Variants in SGCZ observed in about 807,000 individuals in gnomAD.
The protein encoded by SGCZ is zeta-sarcoglycan.
Under a neutral mutation model 41.3 loss-of-function variants are expected in SGCZ, and 40 were observed. The observed-to-expected ratio is 0.97, with a 90% CI of 0.75 to 1.26. The LOEUF is 1.26. SGCZ is among the 50% of genes most tolerant of loss of function. The pLI is 0.00. For synonymous variants in SGCZ, 206 were observed against 137.5 expected (o/e 1.50, Z -3.49); for missense variants, 552 against 369.8 (o/e 1.49, Z -4.04).
chr8:15,131,659 G>A (rs1807905500), intron 1 of SGCZ, among the ~76,000 whole-genome samples: 1 of 152,186 alleles, frequency 6.6e-6, no homozygotes, highest in East Asian at 1.9e-4. Context: ...TGTTAGCGCG[G>A]CATCTTCTCA....
intron 1 of SGCZ, among the ~76,000 whole-genome samples, chr8:14,597,914 C>A (rs1199822599): frequency 6.6e-6 from 1 of 152,132 alleles, no homozygotes; most frequent in East Asian, 1.9e-4. Context: ...AAACCTATTC[C>A]TTTTGCTACA....
intron 1 of SGCZ, among the ~76,000 whole-genome samples, chr8:15,100,227 T>C (rs1362767806): frequency 2.6e-5 from 4 of 152,134 alleles, no homozygotes; most frequent in Non-Finnish European, 5.9e-5. Context: ...CAAAATTTCC[T>C]GGAACTGTTA....
In SGCZ at chr8:14,930,529, A is replaced by G. The variant is rs113898944; in HGVS notation, c.39+307056T>C. On this transcript the variant is annotated intron_variant, in intron 1 of 7. Coordinates refer to ENST00000382080, the MANE Select transcript of SGCZ (RefSeq NM_139167.4). ...ATAAATCATTCTACTATAAAGACACATGCCCATGTATGTTTCTTGCAGCAC... is the reference window on the plus strand; with the variant it reads ...ATAAATCATTCTACTATAAAGACACGTGCCCATGTATGTTTCTTGCAGCAC... Among the ~76,000 whole-genome samples the G allele has an allele frequency of 7.4e-3, 1,129 of 152,126 alleles. 6 individuals are homozygous for G. Among genetic ancestry groups the G allele is most frequent in the Non-Finnish European group, 0.012 (796 of 68,036 alleles).
intron 2 of SGCZ, among the ~76,000 whole-genome samples, chr8:14,483,980 C>T (rs530956605): frequency 6.6e-6 from 1 of 152,116 alleles, no homozygotes; most frequent in African/African-American, 2.4e-5. Flanking sequence ...GGCATCCAGC[C>T]CATGAAAATC....
chr8:14,994,244 C>G (rs1386255140), intron 1 of SGCZ, among the ~76,000 whole-genome samples: 1 of 152,168 alleles, frequency 6.6e-6, no homozygotes. Flanking sequence ...TCATATGTAT[C>G]TCAATTACAG....
chr8:15,176,640 G>A (rs1160222400), intron 1 of SGCZ, among the ~76,000 whole-genome samples: 1 of 152,130 alleles, frequency 6.6e-6, no homozygotes, highest in East Asian at 1.9e-4. Context: ...TATATACTTA[G>A]AAAAATTAAC....
intron 1 of SGCZ, among the ~76,000 whole-genome samples, chr8:15,007,055 C>T (rs2130919779): frequency 6.6e-6 from 1 of 152,296 alleles, no homozygotes; most frequent in East Asian, 1.9e-4. Flanking sequence ...GTATATTTAA[C>T]TGTTGCAACT....
At chr8:14,228,054 T>C (rs1033498037) in intron 4 of SGCZ, among the ~76,000 whole-genome samples, 7 of 152,188 alleles carry the variant, frequency 4.6e-5, no homozygotes, top group African/African-American at 1.4e-4. Flanking sequence ...TGTGTACATA[T>C]GGACTCCTAA....
At chr8:14,581,831 C>G (rs527390199) in intron 1 of SGCZ, among the ~76,000 whole-genome samples, 9 of 152,242 alleles carry the variant, frequency 5.9e-5, no homozygotes, top group African/African-American at 2.2e-4. Flanking sequence ...AAATAAAACT[C>G]TTTAATTAGT....
intron 3 of SGCZ, among the ~76,000 whole-genome samples, chr8:14,278,519 C>T (rs1211921759): frequency 6.6e-6 from 1 of 151,938 alleles, no homozygotes; most frequent in Non-Finnish European, 1.5e-5. Context: ...GATTATCCTG[C>T]CCAACTACTC....
chr8:15,223,842 G>T (rs1408256553), intron 1 of SGCZ, among the ~76,000 whole-genome samples: 3 of 146,894 alleles, frequency 2.0e-5, no homozygotes, highest in African/African-American at 8.0e-5. Context: ...CCAGCGAAAA[G>T]CTCCTTTTTA....
chr8:15,031,651 G>A (rs1172694478), intron 1 of SGCZ, among the ~76,000 whole-genome samples: 1 of 152,070 alleles, frequency 6.6e-6, no homozygotes, highest in Non-Finnish European at 1.5e-5. Context: ...CAGGGGAAGC[G>A]CTCTTGCCAG....
intron 1 of SGCZ, among the ~76,000 whole-genome samples, chr8:15,145,286 C>T (rs185476715): frequency 3.2e-4 from 48 of 152,246 alleles, no homozygotes; most frequent in Admixed American, 1.5e-3. Flanking sequence ...AAAGCGTCAC[C>T]AAAACTAAAA....
intron 2 of SGCZ, among the ~76,000 whole-genome samples, chr8:14,350,172 T>C (rs1803037470): frequency 6.6e-6 from 1 of 150,922 alleles, no homozygotes; most frequent in African/African-American, 2.5e-5. Context: ...AACAAACAAA[T>C]ACTGAAGATC....
intron 1 of SGCZ, among the ~76,000 whole-genome samples, chr8:15,049,261 G>A (rs773216083): frequency 3.9e-5 from 6 of 152,094 alleles, no homozygotes; most frequent in Non-Finnish European, 8.8e-5. Context: ...ATAGGGATGA[G>A]CATTTAAGGG....
At chr8:14,851,937 CAGA>C (rs979055282) in intron 1 of SGCZ, among the ~76,000 whole-genome samples, 11 of 152,076 alleles carry the variant, frequency 7.2e-5, no homozygotes, top group Non-Finnish European at 1.2e-4. Flanking sequence ...TGATAACACA[CAGA>C]AGAAGTGTAT....
At chr8:14,815,206 G>A (rs1339001194) in intron 1 of SGCZ, among the ~76,000 whole-genome samples, 1 of 151,150 alleles carries the variant, frequency 6.6e-6, no homozygotes, top group Non-Finnish European at 1.5e-5. Context: ...TTTTTCTGCA[G>A]AATAATTCAT....
chr8:14,119,353 GCTCT>G (rs1198869828), intron 5 of SGCZ, among the ~76,000 whole-genome samples: 1 of 150,816 alleles, frequency 6.6e-6, no homozygotes, highest in Non-Finnish European at 1.5e-5. Flanking sequence ...TCATGATTTG[GCTCT>G]CTGTTTGTCT....
rs553610642 is a variant in SGCZ at position 14,545,437 on chromosome 8, C to T, written c.234+9295G>A. 4.7e-3 allele frequency among the ~76,000 whole-genome samples: 704 copies of T among 149,234 alleles called. 11 individuals carry two copies. Among genetic ancestry groups the T allele is most frequent in the African/African-American group, 0.016 (645 of 40,684 alleles). On this transcript the variant is annotated intron_variant, in intron 2 of 7. Coordinates refer to ENST00000382080, the MANE Select transcript of SGCZ (RefSeq NM_139167.4). Reference sequence around the variant, plus strand: ...TACTTTTTTTTTTTTTACAAAATAGCGAAAACATAAACCCTTCTTAAGATT... The same window carrying T: ...TACTTTTTTTTTTTTTACAAAATAGTGAAAACATAAACCCTTCTTAAGATT...
Sources: allele counts gnomAD v4.1 joint callset (sites outside exome capture counted in the v4.1 genomes callset), GRCh38; gene constraint gnomAD v4.1.1; transcripts MANE v1.5; gene names NCBI Gene and HGNC (gene_info 2026-07-23, HGNC 2026-07-21).